JPH3: variants seen among roughly 807,000 people sequenced by gnomAD.
The protein encoded by JPH3 is junctophilin 3.
A neutral mutation model predicts 59.6 loss-of-function variants in JPH3; 11 were observed. That is an observed-to-expected ratio of 0.18 (90% confidence interval 0.12 to 0.31). JPH3 has a LOEUF of 0.31. Among genes scored for constraint, JPH3 ranks in the 10% least tolerant of loss-of-function variants. The pLI is 1.00. For missense variants in JPH3, 1,202 were observed against 1,105.7 expected, an observed-to-expected ratio of 1.09 and a Z score of -1.24; for synonymous variants, 673 against 483.6, an observed-to-expected ratio of 1.39 and a Z score of -5.14.
chr16:87,693,305 C>G (rs893534633), intron 4 of JPH3, among the ~76,000 whole-genome samples: 3 of 152,238 alleles, frequency 2.0e-5, no homozygotes, highest in African/African-American at 7.2e-5. Context: ...CCTCTCTGAG[C>G]TGCATCCCAA....
intron 1 of JPH3, among the ~76,000 whole-genome samples, chr16:87,641,408 C>G (rs2150842875): frequency 6.6e-6 from 1 of 152,322 alleles, no homozygotes; most frequent in East Asian, 1.9e-4. Context: ...TCCAGGTTAG[C>G]TGCCTCCCCA....
intron 1 of JPH3, among the ~76,000 whole-genome samples, chr16:87,622,674 G>T (rs1567585878): frequency 6.7e-6 from 1 of 149,138 alleles, no homozygotes; most frequent in Non-Finnish European, 1.5e-5. Context: ...TGCAGGAGGA[G>T]CTGAGGGTGC....
intron 1 of JPH3, among the ~76,000 whole-genome samples, chr16:87,632,510 G>A (rs2031595838): frequency 6.6e-6 from 1 of 152,168 alleles, no homozygotes; most frequent in Non-Finnish European, 1.5e-5. Flanking sequence ...GCAGTGGCAC[G>A]ATCACCGCAG....
chr16:87,663,011 C>A (rs1055385803), intron 2 of JPH3, among the ~76,000 whole-genome samples: 4 of 152,180 alleles, frequency 2.6e-5, no homozygotes, highest in Non-Finnish European at 5.9e-5. Flanking sequence ...CAGCCTGTCT[C>A]TTTGGACCAT....
intron 2 of JPH3, among the ~76,000 whole-genome samples, chr16:87,667,645 G>A (rs193222572): frequency 8.1e-4 from 124 of 152,304 alleles, no homozygotes; most frequent in Non-Finnish European, 1.5e-3. Flanking sequence ...CTTGGGCAAC[G>A]TCCCACCCCT....
chr16:87,668,276 G>A (rs765854707), intron 2 of JPH3, among the ~76,000 whole-genome samples: 1 of 152,170 alleles, frequency 6.6e-6, no homozygotes, highest in African/African-American at 2.4e-5. Context: ...CAGCGCTGCT[G>A]TCTCTTGTTT....
rs113563192 is a variant in JPH3 at position 87,668,089 on chromosome 16, G to A, written c.1161-16053G>A. The stretch of plus-strand genomic sequence containing the variant: ...CATCCTCTGACTACCGTGATGAGCA[G>A]AGCGCAGCGCCCGGCTCCGTGGGCC... On this transcript the variant is annotated intron_variant, in intron 2 of 4. Transcript: ENST00000284262. Among the ~76,000 whole-genome samples the A allele has an allele frequency of 4.7e-3, 711 of 152,322 alleles. 5 individuals are homozygous for A. Among genetic ancestry groups the A allele is most frequent in the African/African-American group, 0.016 (647 of 41,584 alleles).
Position 87,604,853 on chromosome 16 carries a change from C to T in JPH3, c.382+1325C>T, listed in dbSNP as rs562690581. On this transcript the variant is annotated intron_variant, in intron 1 of 4. Coordinates refer to ENST00000284262, the MANE Select transcript of JPH3 (RefSeq NM_020655.4). ...TGCCTGTCAAAGCCGTGCCCAGCCC[C>T]GGTCTCAGGCGGCCTTTTCTGTGCC... 2.5e-4 allele frequency: 97 copies of T among 391,230 alleles called. No homozygotes were observed. The East Asian group carries it at 3.3e-3, about 13-fold the overall frequency. 24.2% of individuals were successfully genotyped at this position (391,230 alleles called of 1,614,324 possible).
chr16:87,623,918 C>T (rs1467041191), intron 1 of JPH3, among the ~76,000 whole-genome samples: 1 of 152,234 alleles, frequency 6.6e-6, no homozygotes, highest in Non-Finnish European at 1.5e-5. Context: ...CACCATGGAG[C>T]CCCCATAATG....
At chr16:87,645,418 G>A (rs957751784) in intron 2 of JPH3, among the ~76,000 whole-genome samples, 1 of 152,216 alleles carries the variant, frequency 6.6e-6, no homozygotes, top group African/African-American at 2.4e-5. Context: ...CCACCAGGTG[G>A]GGGTGGCAGG....
At chr16:87,617,389 G>A (rs2031011019) in intron 1 of JPH3, among the ~76,000 whole-genome samples, 1 of 140,456 alleles carries the variant, frequency 7.1e-6, no homozygotes, top group Non-Finnish European at 1.7e-5. Flanking sequence ...AAAAGCTGCT[G>A]CCAACTCTCA....
At chr16:87,635,810 G>A (rs2031722140) in intron 1 of JPH3, among the ~76,000 whole-genome samples, 1 of 152,206 alleles carries the variant, frequency 6.6e-6, no homozygotes, top group Admixed American at 6.5e-5. Context: ...CAGTGTTTGG[G>A]CCATCGGTGG....
At chr16:87,661,538 G>A (rs1448121108) in intron 2 of JPH3, among the ~76,000 whole-genome samples, 1 of 152,242 alleles carries the variant, frequency 6.6e-6, no homozygotes, top group African/African-American at 2.4e-5. Context: ...GACATTGTAG[G>A]TCACCACCAT....
chr16:87,684,515 C>T (rs551296847), intron 3 of JPH3: 24 of 504,582 alleles, frequency 4.8e-5, no homozygotes, highest in African/African-American at 1.2e-4. Flanking sequence ...TGGGGCACCG[C>T]GTGTTGCTTG....
intron 1 of JPH3, among the ~76,000 whole-genome samples, chr16:87,622,332 G>A (rs1370545397): frequency 2.6e-5 from 4 of 151,156 alleles, no homozygotes; most frequent in Admixed American, 2.6e-4. Flanking sequence ...CAGCTTCCCA[G>A]GGGGCACCCA....
At chr16:87,661,441 G>C (rs1484756209) in intron 2 of JPH3, among the ~76,000 whole-genome samples, 1 of 152,274 alleles carries the variant, frequency 6.6e-6, no homozygotes, top group African/African-American at 2.4e-5. Context: ...TGCATCTGCA[G>C]ATAGCAGTGG....
At chr16:87,694,944 T>G in intron 4 of JPH3, 1 of 255,738 alleles carries the variant, frequency 3.9e-6, no homozygotes, top group Non-Finnish European at 7.7e-6. Flanking sequence ...CGCTGTGTGT[T>G]CATCCTCCAC....
intron 1 of JPH3, among the ~76,000 whole-genome samples, chr16:87,641,085 G>C (rs888359809): frequency 1.3e-5 from 2 of 152,232 alleles, no homozygotes; most frequent in African/African-American, 4.8e-5. Context: ...TTCCGAGTCA[G>C]CTGCCCCCTC....
intron 1 of JPH3, among the ~76,000 whole-genome samples, chr16:87,638,585 GC>G (rs2031835542): frequency 6.8e-6 from 1 of 147,772 alleles, no homozygotes; most frequent in Non-Finnish European, 1.5e-5. Flanking sequence ...GGGGACAGGG[GC>G]AGGGCTGAGG....
Sources: allele counts gnomAD v4.1 joint callset (sites outside exome capture counted in the v4.1 genomes callset), GRCh38; gene constraint gnomAD v4.1.1; transcripts MANE v1.5; gene names NCBI Gene and HGNC (gene_info 2026-07-23, HGNC 2026-07-21).